The following THSD7B variants were observed in gnomAD, a reference collection of about 807,000 sequenced individuals.
THSD7B encodes the protein thrombospondin type 1 domain containing 7B.
In THSD7B, 138 loss-of-function variants were observed where a neutral mutation model predicts 213.6. The ratio of observed to expected loss-of-function variants is 0.65; its 90% CI spans 0.56 to 0.74. The LOEUF (loss-of-function observed/expected upper bound fraction) is 0.74, where lower values mean the gene tolerates loss of function less well. THSD7B is among the 30% of genes least tolerant of loss of function. The pLI is 0.00. For missense variants in THSD7B, 1,931 were observed against 1,991.5 expected (o/e 0.97, Z 0.58); for synonymous variants, 742 against 687.0 (o/e 1.08, Z -1.25).
At chr2:137,371,919 C>T (rs1409378196) in intron 12 of THSD7B, among the ~76,000 whole-genome samples, 1 of 152,094 alleles carries the variant, frequency 6.6e-6, no homozygotes, top group Non-Finnish European at 1.5e-5. Flanking sequence ...AAGTTTTCTT[C>T]CCCTTATCAT....
At chr2:137,391,619 G>A (rs1686028989) in intron 12 of THSD7B, among the ~76,000 whole-genome samples, 2 of 151,880 alleles carry the variant, frequency 1.3e-5, no homozygotes, top group East Asian at 1.9e-4. Context: ...CCCAGGAGGC[G>A]GAGGTTGTGG....
intron 1 of THSD7B, among the ~76,000 whole-genome samples, chr2:136,866,750 A>G (rs571291089): frequency 6.6e-6 from 1 of 152,322 alleles, no homozygotes; most frequent in East Asian, 1.9e-4. Flanking sequence ...GTTGGTTCTT[A>G]CTTCAGTTTT....
intron 12 of THSD7B, among the ~76,000 whole-genome samples, chr2:137,344,661 A>G (rs534082476): frequency 6.6e-5 from 10 of 151,728 alleles, no homozygotes; most frequent in African/African-American, 2.4e-4. Flanking sequence ...ACCAGTTTGG[A>G]CGAACCATTT....
intron 2 of THSD7B, among the ~76,000 whole-genome samples, chr2:137,050,144 G>A (rs373528416): frequency 6.6e-6 from 1 of 152,222 alleles, no homozygotes; most frequent in South Asian, 2.1e-4. Flanking sequence ...TTAGCAGGAT[G>A]TAGGTTTTAG....
chr2:137,419,646 C>G (rs1686880284), intron 14 of THSD7B, among the ~76,000 whole-genome samples: 1 of 151,478 alleles, frequency 6.6e-6, no homozygotes, highest in African/African-American at 2.4e-5. Flanking sequence ...TGTAGAAAAC[C>G]AATTAGGAAA....
intron 17 of THSD7B, among the ~76,000 whole-genome samples, chr2:137,585,920 A>G (rs1400786704): frequency 6.6e-6 from 1 of 152,102 alleles, no homozygotes; most frequent in Non-Finnish European, 1.5e-5. Context: ...CGATCTGTCT[A>G]ATGTTGACAG....
intron 12 of THSD7B, among the ~76,000 whole-genome samples, chr2:137,362,413 G>A (rs1478337649): frequency 2.0e-5 from 3 of 152,146 alleles, no homozygotes; most frequent in Non-Finnish European, 4.4e-5. Flanking sequence ...TGGGCTAAAT[G>A]CCCCAGTTAA....
intron 26 of THSD7B, among the ~76,000 whole-genome samples, chr2:137,664,990 C>G (rs1246183028): frequency 1.3e-5 from 2 of 152,166 alleles, no homozygotes; most frequent in African/African-American, 4.8e-5. Context: ...GAAGCAAAAT[C>G]CAAAGCCCAG....
chr2:137,248,059 C>G (rs1682082306), intron 10 of THSD7B, among the ~76,000 whole-genome samples: 1 of 152,100 alleles, frequency 6.6e-6, no homozygotes, highest in South Asian at 2.1e-4. Context: ...CACCCCAGCT[C>G]AAACCAATCA....
At chr2:136,951,739 A>G (rs921019062) in intron 2 of THSD7B, among the ~76,000 whole-genome samples, 7 of 152,268 alleles carry the variant, frequency 4.6e-5, no homozygotes, top group African/African-American at 1.7e-4. Flanking sequence ...TATCAACATT[A>G]TAATTGCTAG....
At chr2:137,407,410 TA>T (rs1686550231) in intron 13 of THSD7B, among the ~76,000 whole-genome samples, 1 of 152,092 alleles carries the variant, frequency 6.6e-6, no homozygotes, top group African/African-American at 2.4e-5. Flanking sequence ...CAAAACAAGT[TA>T]GCAATTTCAT....
intron 2 of THSD7B, among the ~76,000 whole-genome samples, chr2:137,036,792 C>G (rs1047659356): frequency 6.6e-6 from 1 of 152,154 alleles, no homozygotes; most frequent in African/African-American, 2.4e-5. Flanking sequence ...AGTACAATTA[C>G]TCATTTCTAC....
chr2:137,395,661 A>G (rs1394334323), intron 12 of THSD7B, among the ~76,000 whole-genome samples: 2 of 152,158 alleles, frequency 1.3e-5, no homozygotes, highest in African/African-American at 2.4e-5. Flanking sequence ...TTGGTATCAG[A>G]ATGATGCTGG....
intron 4 of THSD7B, among the ~76,000 whole-genome samples, chr2:137,110,134 C>A (rs1688322018): frequency 6.6e-6 from 1 of 152,146 alleles, no homozygotes; most frequent in Admixed American, 6.5e-5. Flanking sequence ...TCTCTCTCTC[C>A]CCACCTGGTA....
intron 15 of THSD7B, among the ~76,000 whole-genome samples, chr2:137,500,647 G>A (rs1679681355): frequency 6.6e-6 from 1 of 152,192 alleles, no homozygotes; most frequent in Non-Finnish European, 1.5e-5. Context: ...ATACTAATAT[G>A]TATGTCAAGT....
Position 137,658,549 on chromosome 2 carries a change from T to C in THSD7B, c.4376-1115T>C, listed in dbSNP as rs189733131. On this transcript the variant is annotated intron_variant, in intron 24 of 27. Coordinates refer to ENST00000409968, the MANE Select transcript of THSD7B (RefSeq NM_001316349.2). ...CCTCCTCCCACTGAAGTACGCCTGC[T>C]GTGGAGATCCCTGGTTGAAAGAACG... Among the ~76,000 whole-genome samples the C allele has an allele frequency of 1.2e-3, 186 of 152,316 alleles. 3 individuals carry two copies. The South Asian group carries it at 0.025, about 21-fold the overall frequency.
intron 7 of THSD7B, among the ~76,000 whole-genome samples, chr2:137,201,862 A>G (rs1418749850): frequency 1.3e-5 from 2 of 152,160 alleles, no homozygotes; most frequent in African/African-American, 2.4e-5. Flanking sequence ...CAATTTCCTA[A>G]TGACTAAATA....
At chr2:137,593,993 G>A (rs1015304067) in intron 17 of THSD7B, among the ~76,000 whole-genome samples, 5 of 151,980 alleles carry the variant, frequency 3.3e-5, no homozygotes, top group Admixed American at 1.3e-4. Flanking sequence ...TTTCGAAGGT[G>A]GATCCTGAGC....
chr2:137,173,392 T>C (rs1680301574), intron 7 of THSD7B, among the ~76,000 whole-genome samples: 1 of 152,144 alleles, frequency 6.6e-6, no homozygotes, highest in Non-Finnish European at 1.5e-5. Context: ...TCACAGCAGA[T>C]ATTGGAGGGT....
Sources: allele counts gnomAD v4.1 joint callset (sites outside exome capture counted in the v4.1 genomes callset), GRCh38; gene constraint gnomAD v4.1.1; transcripts MANE v1.5; gene names NCBI Gene and HGNC (gene_info 2026-07-23, HGNC 2026-07-21).